The following PPP1R16B variants were observed in gnomAD, a reference collection of about 807,000 sequenced individuals.
PPP1R16B encodes the protein protein phosphatase 1 regulatory inhibitor subunit 16B.
A neutral mutation model predicts 61.7 loss-of-function variants in PPP1R16B; 14 were observed. The observed-to-expected ratio is 0.23, with a 90% confidence interval of 0.15 to 0.35. PPP1R16B has a LOEUF of 0.35. Among genes scored for constraint, PPP1R16B ranks in the 10% least tolerant of loss-of-function variants. The pLI is 1.00. For missense variants in PPP1R16B, 547 were observed against 752.5 expected (o/e 0.73, Z 3.19); for synonymous variants, 266 against 305.3 (o/e 0.87, Z 1.34).
chr20:38,900,508 G>A (rs1008774037), intron 4 of PPP1R16B, 73 bp from the exon 5 acceptor site: 1 of 1,195,006 alleles, frequency 8.4e-7, no homozygotes. Context: ...CAGGCGAGAG[G>A]CCAGAGGGCA....
chr20:38,868,161 G>A (rs941801596), intron 2 of PPP1R16B, among the ~76,000 whole-genome samples: 3 of 152,168 alleles, frequency 2.0e-5, no homozygotes, highest in African/African-American at 7.2e-5. Context: ...GCTCCACAGA[G>A]CAAAGGCTCA....
intron 2 of PPP1R16B, among the ~76,000 whole-genome samples, chr20:38,887,947 C>A (rs1273860964): frequency 6.6e-6 from 1 of 152,206 alleles, no homozygotes; most frequent in Non-Finnish European, 1.5e-5. Flanking sequence ...CCACCCCATC[C>A]ACTGCTCCTG....
chr20:38,883,101 G>A (rs2085214596), intron 2 of PPP1R16B, among the ~76,000 whole-genome samples: 1 of 152,122 alleles, frequency 6.6e-6, no homozygotes, highest in Non-Finnish European at 1.5e-5. Flanking sequence ...AGATAGGAGG[G>A]CAGGCCTTGT....
At chr20:38,871,239 C>A (rs7271835) in intron 2 of PPP1R16B, among the ~76,000 whole-genome samples, 1 of 152,106 alleles carries the variant, frequency 6.6e-6, no homozygotes, top group Non-Finnish European at 1.5e-5. Context: ...ACATGAACCC[C>A]GTATGCAAGA....
intron 1 of PPP1R16B, among the ~76,000 whole-genome samples, chr20:38,820,821 A>G (rs1217205379): frequency 1.3e-5 from 2 of 151,918 alleles, no homozygotes; most frequent in African/African-American, 2.4e-5. Flanking sequence ...TCATGAGGTC[A>G]GGAGATCGAG....
intron 10 of PPP1R16B, among the ~76,000 whole-genome samples, chr20:38,914,034 A>G (rs1025112082): frequency 6.6e-6 from 1 of 152,058 alleles, no homozygotes; most frequent in African/African-American, 2.4e-5. Flanking sequence ...TCTACTAAAA[A>G]TAGCCAGGCG....
intron 2 of PPP1R16B, among the ~76,000 whole-genome samples, chr20:38,852,470 T>C (rs1193851572): frequency 6.6e-6 from 1 of 152,216 alleles, no homozygotes; most frequent in Non-Finnish European, 1.5e-5. Context: ...TGGTCAACCA[T>C]GGTCGATCAC....
intron 2 of PPP1R16B, among the ~76,000 whole-genome samples, chr20:38,887,934 C>T (rs891259720): frequency 7.2e-5 from 11 of 152,154 alleles, no homozygotes; most frequent in African/African-American, 2.4e-4. Flanking sequence ...AGGGGCTGTA[C>T]CCCCACCCCA....
intron 6 of PPP1R16B, among the ~76,000 whole-genome samples, chr20:38,904,102 A>G (rs560525883): frequency 1.3e-5 from 2 of 152,232 alleles, no homozygotes; most frequent in Admixed American, 1.3e-4. Flanking sequence ...CATCTGTTTT[A>G]TGCCCATTTC....
At position 38,907,948 on chromosome 20, in the gene PPP1R16B, C is replaced by G. The variant is rs779598614; in HGVS notation, c.1028+13C>G. 3.1e-6 allele frequency: 5 copies of G among 1,613,964 alleles called. No homozygotes were observed. The South Asian group carries it at 5.5e-5, about 18-fold the overall frequency. ...CAGGCAGCCGTGGGTGAGTCCGGGG[C>G]AGGGCAGCCAGGAGTCCCTGTGTGT... On this transcript the variant is annotated intron_variant, in intron 9 of 10. Transcript: ENST00000299824. This position sits in a 1 kb window ranked among gnomAD's most constrained non-coding sequence, Gnocchi z 4.5.
chr20:38,859,251 G>A (rs1191899149), intron 2 of PPP1R16B, among the ~76,000 whole-genome samples: 1 of 151,906 alleles, frequency 6.6e-6, no homozygotes, highest in South Asian at 2.1e-4. Flanking sequence ...GCTTACTTCA[G>A]CCTGTGGGTG....
intron 6 of PPP1R16B, among the ~76,000 whole-genome samples, chr20:38,904,849 A>G (rs2085426279): frequency 6.6e-6 from 1 of 151,888 alleles, no homozygotes. Context: ...TTGGACTCTC[A>G]CTTCTATCTC....
At chr20:38,909,399 A>C (rs1172975202) in intron 10 of PPP1R16B, among the ~76,000 whole-genome samples, 1 of 152,126 alleles carries the variant, frequency 6.6e-6, no homozygotes, top group African/African-American at 2.4e-5. Context: ...GCAAATACCT[A>C]TTTCTAGATA....
intron 1 of PPP1R16B, among the ~76,000 whole-genome samples, chr20:38,822,332 G>A (rs887810032): frequency 5.3e-5 from 8 of 151,902 alleles, no homozygotes; most frequent in Non-Finnish European, 1.0e-4. Flanking sequence ...TAGTAAGAGA[G>A]TAGTTTTCTA....
intron 10 of PPP1R16B, among the ~76,000 whole-genome samples, chr20:38,913,263 GT>G (rs113526337): frequency 0.03 from 4,565 of 151,278 alleles, 232 homozygotes; most frequent in African/African-American, 0.11. Context: ...TGTCATTGGT[GT>G]TTTTTTTTAA....
intron 1 of PPP1R16B, among the ~76,000 whole-genome samples, chr20:38,831,331 T>C (rs1247559132): frequency 6.6e-6 from 1 of 152,218 alleles, no homozygotes; most frequent in Non-Finnish European, 1.5e-5. Context: ...CTGCAGCCCA[T>C]TGGAACCTGG....
chr20:38,858,383 G>A (rs996305139), intron 2 of PPP1R16B, among the ~76,000 whole-genome samples: 4 of 152,008 alleles, frequency 2.6e-5, no homozygotes, highest in Non-Finnish European at 2.9e-5. Flanking sequence ...TCAAAAGCTC[G>A]AAGCCCATTC....
intron 1 of PPP1R16B, among the ~76,000 whole-genome samples, chr20:38,824,857 C>T (rs540839522): frequency 1.1e-4 from 16 of 152,324 alleles, no homozygotes; most frequent in African/African-American, 3.6e-4. Context: ...TGGTGAAACC[C>T]TGTCTCTGCT....
At chr20:38,819,700 G>A (rs2084760768) in intron 1 of PPP1R16B, among the ~76,000 whole-genome samples, 1 of 151,944 alleles carries the variant, frequency 6.6e-6, no homozygotes, top group Admixed American at 6.5e-5. Context: ...GACCCACCTG[G>A]GGAGCTTTTA....
Sources: gnomAD v4.1 joint callset for allele counts (sites outside exome capture counted in the v4.1 genomes callset) on GRCh38, gnomAD v4.1.1 for gene constraint, Gnocchi (gnomAD v3.1) non-coding constraint, MANE v1.5 for transcripts, NCBI Gene and HGNC (gene_info 2026-07-23, HGNC 2026-07-21) for gene names.